Variants in HSD17B12 observed in about 807,000 individuals in gnomAD.
HSD17B12 encodes the protein very-long-chain 3-oxoacyl-CoA reductase.
In HSD17B12, 32 loss-of-function variants were observed where a neutral mutation model predicts 39.3. The observed-to-expected ratio is 0.81, with a 90% CI of 0.61 to 1.09. HSD17B12 has a LOEUF of 1.09. Ranked by LOEUF, HSD17B12 falls within the 50% of genes least tolerant of loss-of-function variation. The pLI, the probability that HSD17B12 is intolerant of heterozygous loss-of-function variation, is 0.00. For missense variants in HSD17B12, 342 were observed against 382.9 expected, an observed-to-expected ratio of 0.89 and a Z score of 0.89; for synonymous variants, 150 against 146.7, an observed-to-expected ratio of 1.02 and a Z score of -0.16.
intron 1 of HSD17B12, among the ~76,000 whole-genome samples, chr11:43,698,524 T>A (rs1949933534): frequency 6.6e-6 from 1 of 152,230 alleles, no homozygotes. Flanking sequence ...ATTTTCTCTT[T>A]GGGCAGAAAG....
chr11:43,732,053 T>C (rs747620937), intron 1 of HSD17B12, among the ~76,000 whole-genome samples: 1 of 152,164 alleles, frequency 6.6e-6, no homozygotes, highest in Non-Finnish European at 1.5e-5. Context: ...ATCTCCTTAA[T>C]GTGGTAGGAG....
At chr11:43,663,671 T>C in the HSD17B12 span, among the ~76,000 whole-genome samples, 1 of 152,162 alleles carries the variant, frequency 6.6e-6, no homozygotes, top group Non-Finnish European at 1.5e-5. Flanking sequence ...CTTGTCCATG[T>C]TACCAACTGA....
the HSD17B12 span, among the ~76,000 whole-genome samples, chr11:43,639,224 A>C: frequency 6.6e-6 from 1 of 152,202 alleles, no homozygotes; most frequent in East Asian, 1.9e-4. Flanking sequence ...CACTTTTGTA[A>C]GGTGTGGAGA....
chr11:43,810,403 A>AT (rs1565097561), intron 4 of HSD17B12, among the ~76,000 whole-genome samples: 13 of 71,964 alleles, frequency 1.8e-4, no homozygotes, highest in Non-Finnish European at 3.1e-4. Flanking sequence ...ATATATATAT[A>AT]AAATTCAGAA....
the HSD17B12 span, among the ~76,000 whole-genome samples, chr11:43,663,716 C>T: frequency 1.3e-5 from 2 of 152,156 alleles, no homozygotes; most frequent in African/African-American, 4.8e-5. Flanking sequence ...GTAAGGCCAA[C>T]ACCTACACCA....
At chr11:43,607,320 C>T in the HSD17B12 span, among the ~76,000 whole-genome samples, 1 of 140,934 alleles carries the variant, frequency 7.1e-6, no homozygotes, top group African/African-American at 2.7e-5. Context: ...GTGTGTGTAC[C>T]ATGTAGCACC....
chr11:43,726,816 C>T (rs1351791194), intron 1 of HSD17B12, among the ~76,000 whole-genome samples: 1 of 152,098 alleles, frequency 6.6e-6, no homozygotes, highest in Non-Finnish European at 1.5e-5. Flanking sequence ...TTAGAAGCTG[C>T]CAGCCTTGTC....
At chr11:43,568,756 G>C in the HSD17B12 span, among the ~76,000 whole-genome samples, 1 of 151,992 alleles carries the variant, frequency 6.6e-6, no homozygotes, top group Admixed American at 6.6e-5. Flanking sequence ...CTTTTTGGTT[G>C]GTGTTGGTTG....
At chr11:43,799,505 T>G (rs1950945733) in intron 4 of HSD17B12, among the ~76,000 whole-genome samples, 1 of 152,076 alleles carries the variant, frequency 6.6e-6, no homozygotes, top group African/African-American at 2.4e-5. Flanking sequence ...GAAAATTGTA[T>G]AGGAAAAAAA....
chr11:43,806,029 G>A (rs560056962), intron 4 of HSD17B12, among the ~76,000 whole-genome samples: 18 of 152,304 alleles, frequency 1.2e-4, no homozygotes, highest in African/African-American at 2.9e-4. Context: ...CAAGGTCTGC[G>A]GGGAGTCCCC....
At chr11:43,773,797 G>C (rs1386628716) in intron 3 of HSD17B12, among the ~76,000 whole-genome samples, 2 of 152,074 alleles carry the variant, frequency 1.3e-5, no homozygotes, top group Admixed American at 6.5e-5. Context: ...CCTACAAAAT[G>C]TTTTTCCTAG....
At chr11:43,614,323 G>A in the HSD17B12 span, among the ~76,000 whole-genome samples, 2 of 152,182 alleles carry the variant, frequency 1.3e-5, no homozygotes, top group African/African-American at 4.8e-5. Flanking sequence ...CTTTAAAAAT[G>A]TCATTCCATT....
intron 3 of HSD17B12, 124 bp downstream of exon 3, chr11:43,754,245 A>G (rs1372374884): frequency 7.4e-6 from 5 of 675,574 alleles, no homozygotes; most frequent in Non-Finnish European, 1.3e-5. Flanking sequence ...ATCATTAAAG[A>G]GCATGAAAAA....
At chr11:43,846,632 A>G (rs1951477361) in intron 9 of HSD17B12, among the ~76,000 whole-genome samples, 1 of 152,198 alleles carries the variant, frequency 6.6e-6, no homozygotes, top group African/African-American at 2.4e-5. Context: ...ACCCCTGCAT[A>G]CTAGCCTGGG....
chr11:43,816,910 C>T (rs996056458), intron 6 of HSD17B12, among the ~76,000 whole-genome samples: 1 of 151,708 alleles, frequency 6.6e-6, no homozygotes, highest in African/African-American at 2.4e-5. Context: ...ATAATAGTCT[C>T]CAGTCTCATC....
At chr11:43,599,425 T>C in the HSD17B12 span, among the ~76,000 whole-genome samples, 1 of 152,218 alleles carries the variant, frequency 6.6e-6, no homozygotes, top group South Asian at 2.1e-4. Flanking sequence ...TCTTCTTTTT[T>C]AGTTTTTATT....
chr11:43,778,530 C>T (rs1405033687), intron 3 of HSD17B12, among the ~76,000 whole-genome samples: 15 of 136,012 alleles, frequency 1.1e-4, no homozygotes, highest in Non-Finnish European at 2.2e-4. Context: ...GAGACACAAC[C>T]AAAAAAGAGA....
At chr11:43,678,597 G>A (rs1949713380), upstream of HSD17B12, among the ~76,000 whole-genome samples, 2 of 152,236 alleles carry the variant, frequency 1.3e-5, no homozygotes, top group African/African-American at 4.8e-5. Flanking sequence ...AATCCATCTT[G>A]AATTAATTTT....
intron 6 of HSD17B12, among the ~76,000 whole-genome samples, chr11:43,821,898 C>A (rs1951186583): frequency 6.6e-6 from 1 of 152,200 alleles, no homozygotes; most frequent in Admixed American, 6.5e-5. Context: ...TTTCAGACTT[C>A]AAGAGACCCT....
Sources: gnomAD v4.1 joint callset for allele counts (sites outside exome capture counted in the v4.1 genomes callset) on GRCh38, gnomAD v4.1.1 for gene constraint, MANE v1.5 for transcripts, NCBI Gene and HGNC (gene_info 2026-07-23, HGNC 2026-07-21) for gene names.